PMS1: variants seen among roughly 807,000 people sequenced by gnomAD.
PMS1 encodes the protein PMS1 homolog 1, mismatch repair system component.
In PMS1, 79 loss-of-function variants were observed where a neutral mutation model predicts 93.1. That is an observed-to-expected ratio of 0.85 (90% CI 0.71 to 1.02). The LOEUF is 1.02. Among genes scored for constraint, PMS1 ranks in the 50% least tolerant of loss-of-function variants. The pLI, the probability that PMS1 is intolerant of heterozygous loss-of-function variation, is 0.00. For missense variants in PMS1, 1,064 were observed against 1,085.3 expected, an observed-to-expected ratio of 0.98 and a Z score of 0.28; for synonymous variants, 335 against 363.4, an observed-to-expected ratio of 0.92 and a Z score of 0.89.
intron 4 of PMS1, among the ~76,000 whole-genome samples, chr2:189,810,379 A>C (rs1006439748): frequency 6.6e-6 from 1 of 152,242 alleles, no homozygotes; most frequent in Non-Finnish European, 1.5e-5. Flanking sequence ...GAGAAACACT[A>C]CATCCTCCTA....
Position 189,821,905 on chromosome 2 carries a change from A to T in PMS1, c.582+3725A>T, listed in dbSNP as rs1212910500. On this transcript the variant is annotated intron_variant, in intron 5 of 12. Transcript: ENST00000441310. ...AAATATTTGAAATGACAGAGTTCTT[A>T]TTTCAAGTCAAATATGTATCTTCTA... Among the ~76,000 whole-genome samples the T allele has an allele frequency of 3.3e-5, 5 of 152,224 alleles. No homozygotes were observed. The South Asian group carries it at 6.2e-4, about 19-fold the overall frequency.
At chr2:189,830,777 G>A (rs1054180518) in intron 5 of PMS1, among the ~76,000 whole-genome samples, 110 of 152,334 alleles carry the variant, frequency 7.2e-4, no homozygotes, top group African/African-American at 2.4e-3. Context: ...GACTGTAAGC[G>A]TAGGCCTTAA....
chr2:189,864,579 C>G (rs1426803102), intron 10 of PMS1, among the ~76,000 whole-genome samples: 2 of 137,808 alleles, frequency 1.5e-5, no homozygotes, highest in South Asian at 2.5e-4. Context: ...TCGCTTGAAC[C>G]TGGGAGGTGG....
At chr2:189,833,864 G>A (rs1234571950) in intron 5 of PMS1, among the ~76,000 whole-genome samples, 1 of 152,006 alleles carries the variant, frequency 6.6e-6, no homozygotes, top group East Asian at 1.9e-4. Flanking sequence ...TACTTTTGAG[G>A]AAAAAATTAT....
At chr2:189,822,600 C>CT (rs1337311559) in intron 5 of PMS1, among the ~76,000 whole-genome samples, 1 of 152,114 alleles carries the variant, frequency 6.6e-6, no homozygotes, top group African/African-American at 2.4e-5. Flanking sequence ...TACAGCAACT[C>CT]TGATAATAGA....
chr2:189,837,717 A>G (rs2053507760), intron 5 of PMS1, among the ~76,000 whole-genome samples: 1 of 152,236 alleles, frequency 6.6e-6, no homozygotes, highest in South Asian at 2.1e-4. Context: ...ACATATGCCA[A>G]CATAAAAACA....
Position 189,809,447 on chromosome 2 carries a change from C to CTTTTTTTTTTTTTTT in PMS1, c.418+3706_418+3720dup, listed in dbSNP as rs972672920. Among the ~76,000 whole-genome samples, 132 of 63,454 alleles carry CTTTTTTTTTTTTTTT rather than the reference C, an allele frequency of 2.1e-3. 9 individuals are homozygous for CTTTTTTTTTTTTTTT. Among genetic ancestry groups the CTTTTTTTTTTTTTTT allele is most frequent in the African/African-American group, 2.5e-3 (46 of 18,120 alleles). 41.6% of individuals were successfully genotyped at this position (63,454 alleles called of 152,430 possible). ...TTGGTGCTTTTAAGGAAGCACATTTCTTTTTTTTTTTTTTTTTTTTTTTTT... is the reference window on the plus strand; with the variant it reads ...TTGGTGCTTTTAAGGAAGCACATTTCTTTTTTTTTTTTTTTTTTTTTTTTTTTTTTTTTTTTTTTT... On this transcript the variant is annotated intron_variant, in intron 4 of 12. Coordinates refer to ENST00000441310, the MANE Select transcript of PMS1 (RefSeq NM_000534.5).
chr2:189,872,152 A>G (rs2057206374), intron 11 of PMS1, among the ~76,000 whole-genome samples: 1 of 152,134 alleles, frequency 6.6e-6, no homozygotes. Flanking sequence ...AAACCATAGC[A>G]TCTCACTTCA....
intron 4 of PMS1, among the ~76,000 whole-genome samples, chr2:189,809,287 T>C (rs976662941): frequency 6.6e-6 from 1 of 152,114 alleles, no homozygotes; most frequent in Admixed American, 6.5e-5. Flanking sequence ...TGTAAAAATA[T>C]AACAGGGAGC....
chr2:189,788,572 C>G (rs184536998), intron 1 of PMS1, among the ~76,000 whole-genome samples: 140 of 152,214 alleles, frequency 9.2e-4, no homozygotes, highest in Non-Finnish European at 1.7e-3. Flanking sequence ...CTGCTCTATC[C>G]AGCACTGTTC....
rs190255445 is a variant in PMS1, at chr2:189,842,168, A to C, written c.583-1796A>C. On this transcript the variant is annotated intron_variant, in intron 5 of 12. Coordinates refer to ENST00000441310, the MANE Select transcript of PMS1 (RefSeq NM_000534.5). ...GTTCTCACACTCTTGATTGCCGTTT[A>C]GCCAGCCACGTCTGTTCCTACCATA... 5.3e-5 allele frequency among the ~76,000 whole-genome samples: 8 copies of C among 152,032 alleles called. 1 individual carries two copies. The East Asian group carries it at 1.6e-3, about 30-fold the overall frequency.
At chr2:189,864,670 AAAAAAAAAAAAAAAAAAATATATATATAT>A (rs1244726616) in intron 10 of PMS1, among the ~76,000 whole-genome samples, 3 of 38,872 alleles carry the variant, frequency 7.7e-5, no homozygotes, top group Non-Finnish European at 1.4e-4. Context: ...AAAAAAAAAA[AAAAAAAAAAAAAAAAAAATATATATATAT>A]ATATATATAT....
intron 8 of PMS1, 70 bp from the exon 9 acceptor site, chr2:189,854,167 CTT>C: frequency 1.4e-6 from 2 of 1,384,408 alleles, no homozygotes; most frequent in Non-Finnish European, 2.0e-6. Context: ...TTATATTTAT[CTT>C]TTTTATTATT....
chr2:189,860,566 G>A (rs992163156), intron 9 of PMS1, among the ~76,000 whole-genome samples: 2 of 151,766 alleles, frequency 1.3e-5, no homozygotes, highest in Non-Finnish European at 2.9e-5. Context: ...GGGCTTTTCC[G>A]GATATTTTAT....
intron 5 of PMS1, 106 bp from the exon 6 acceptor site, chr2:189,843,858 A>G: frequency 1.0e-6 from 1 of 964,946 alleles, no homozygotes; most frequent in East Asian, 2.5e-5. Context: ...TGATACTGAA[A>G]TTTTAAGCTG....
At chr2:189,858,444 A>G (rs2055588360) in intron 9 of PMS1, among the ~76,000 whole-genome samples, 1 of 152,172 alleles carries the variant, frequency 6.6e-6, no homozygotes, top group South Asian at 2.1e-4. Context: ...CAGGATTAAT[A>G]TTTTCCATTC....
rs774172390 is a variant in PMS1 at position 189,877,489 on chromosome 2, C to T, written c.*53C>T. 8.3e-7 allele frequency: 1 copy of T among 1,198,810 alleles called. No individual in the cohort carries two copies. The highest frequency in any genetic ancestry group is 1.2e-6 in the Non-Finnish European group (1 of 809,670). The allele number at this position is 1,198,810 out of a possible 1,614,324, so 74.3% of individuals were successfully genotyped here. A position where few individuals can be genotyped will look rare whatever the true frequency, so the allele number is the denominator to read the frequency against. On this transcript the variant is annotated 3_prime_UTR_variant, in exon 13 of 13. Coordinates refer to ENST00000441310, the MANE Select transcript of PMS1 (RefSeq NM_000534.5). ...CATTGAAATTGGTTCTGTCATAAAA[C>T]AGCATGAGTCTGGTTTTAAATTATC...
intron 11 of PMS1, among the ~76,000 whole-genome samples, chr2:189,868,339 TGTAACA>T (rs1378608899): frequency 6.6e-6 from 1 of 152,212 alleles, no homozygotes; most frequent in African/African-American, 2.4e-5. Context: ...CAATTAGACG[TGTAACA>T]TCAGCAGTTG....
intron 5 of PMS1, among the ~76,000 whole-genome samples, chr2:189,822,386 CCCAACACAT>C (rs951318615): frequency 1.3e-5 from 2 of 152,172 alleles, no homozygotes; most frequent in Non-Finnish European, 2.9e-5. Context: ...CAGCCATTTC[CCCAACACAT>C]CCTGGAGAAG....
Sources: allele counts gnomAD v4.1 joint callset (sites outside exome capture counted in the v4.1 genomes callset), GRCh38; gene constraint gnomAD v4.1.1; transcripts MANE v1.5; gene names NCBI Gene and HGNC (gene_info 2026-07-23, HGNC 2026-07-21).